The following FKBP14 variants were observed in gnomAD, a reference collection of about 807,000 sequenced individuals.
FKBP14 encodes FKBP prolyl isomerase 14.
Under a neutral mutation model 21.6 loss-of-function variants are expected in FKBP14, and 20 were observed. The observed-to-expected ratio is 0.92, with a 90% confidence interval of 0.65 to 1.34. The LOEUF (loss-of-function observed/expected upper bound fraction) is 1.34. Among genes scored for constraint, FKBP14 ranks in the 40% most tolerant of loss-of-function variants. The probability of loss-of-function intolerance (pLI) is 0.00; values close to 1 mark genes in which losing one functional copy is unlikely to be tolerated. For missense variants in FKBP14, 253 were observed against 249.0 expected, an observed-to-expected ratio of 1.02 and a Z score of -0.11; for synonymous variants, 79 against 86.7, an observed-to-expected ratio of 0.91 and a Z score of 0.49.
At position 30,022,832 on chromosome 7, in the gene FKBP14, A is replaced by T. The variant is rs1345590310; in HGVS notation, c.198-16T>A. The T allele has an allele frequency of 3.7e-6, 6 of 1,601,276 alleles. No individual in the cohort carries two copies. Among genetic ancestry groups the T allele is most frequent in the Non-Finnish European group, 5.1e-6 (6 of 1,176,324 alleles). On this transcript the variant is annotated splice_polypyrimidine_tract_variant and intron_variant, in intron 1 of 3. Coordinates refer to ENST00000222803, the MANE Select transcript of FKBP14 (RefSeq NM_017946.4). ...ATGTTTGTGACTATGATAGAAATAAAACACATTAGAACTCCTTATTAACTC... is the reference window on the plus strand; with the variant it reads ...ATGTTTGTGACTATGATAGAAATAATACACATTAGAACTCCTTATTAACTC...
chr7:30,009,235 ATT>A (rs753340209), downstream of FKBP14, among the ~76,000 whole-genome samples: 4 of 142,802 alleles, frequency 2.8e-5, no homozygotes, highest in Admixed American at 7.0e-5. Flanking sequence ...TAGTGCTATA[ATT>A]TTTTTTTTTT....
rs1562835550 is a variant in FKBP14, at chr7:30,014,199, C to T, written c.*536G>A. ...TTCTAACTTCAGCATTGCACATCTC[C>T]TTAGTAAAGCAGTAGCCATTAACAA... On this transcript the variant is annotated 3_prime_UTR_variant, in exon 4 of 4. Coordinates refer to ENST00000222803, the MANE Select transcript of FKBP14 (RefSeq NM_017946.4). 6.6e-6 allele frequency: 1 copy of T among 152,180 alleles called. No homozygotes were observed. Among genetic ancestry groups the T allele is most frequent in the Non-Finnish European group, 1.5e-5 (1 of 68,060 alleles). The allele number at this position is 152,180 out of a possible 1,614,324, so 9.4% of individuals were successfully genotyped here.
rs770308575 is a variant in FKBP14, at chr7:30,022,693, A to C, written c.321T>G (p.Pro107=). The C allele has an allele frequency of 6.2e-7, 1 of 1,614,102 alleles. No individual in the cohort carries two copies. Among genetic ancestry groups the C allele is most frequent in the Non-Finnish European group, 8.5e-7 (1 of 1,179,996 alleles). The change falls in exon 2 of 4, where the codon CCT becomes CCG. Residue 107 remains proline (P), a synonymous_variant. Transcript: ENST00000222803. The part of the protein sequence containing the change: ...VGEKRKLIIP[P]ALGYGKEGKG... ...TTCCTTCTTTTCCATAGCCCAGAGC[A>C]GGAGGAATGATGAGCTTTCTCTTCT...
intron 3 of FKBP14, among the ~76,000 whole-genome samples, chr7:30,015,771 G>A (rs1445641958): frequency 7.3e-5 from 11 of 149,680 alleles, no homozygotes; most frequent in Non-Finnish European, 1.2e-4. Context: ...GACTACAGGC[G>A]CCCGCCACCA....
chr7:30,026,595 G>A lies in FKBP14; in HGVS notation c.-87C>T, dbSNP rs777093324. ...TTTAAGAACGTAGTTCAAGGCTTACGGACAAGGGCTTCAGACAAGTTCAGG... is the reference window on the plus strand; with the variant it reads ...TTTAAGAACGTAGTTCAAGGCTTACAGACAAGGGCTTCAGACAAGTTCAGG... On this transcript the variant is annotated 5_prime_UTR_variant, in exon 1 of 4. Transcript: ENST00000222803. 1.0e-5 allele frequency: 13 copies of A among 1,273,648 alleles called. No individual in the cohort carries two copies. The highest frequency in any genetic ancestry group is 1.5e-5 in the African/African-American group (1 of 66,770). The allele number at this position is 1,273,648 out of a possible 1,614,324, so 78.9% of individuals were successfully genotyped here. A position where few individuals can be genotyped will look rare whatever the true frequency, so the allele number is the denominator to read the frequency against.
At position 30,026,485 on chromosome 7, in the gene FKBP14, C is replaced by A. The variant is rs1790180552; in HGVS notation, c.24G>T (p.Ala8=). The stretch of plus-strand genomic sequence containing the variant: ...AAGAAGTGACGAACAGAGTCAAGAC[C>A]GCGTTCCACAAGAAAAGCCTCATGT... The part of the protein sequence containing the change: MRLFLWN[A]VLTLFVTSLI... Residue 8 remains alanine (A), a synonymous_variant, in exon 1 of 4, where the codon GCG becomes GCT. Coordinates refer to ENST00000222803, the MANE Select transcript of FKBP14 (RefSeq NM_017946.4). 1 of 1,612,114 alleles carries A rather than the reference C, an allele frequency of 6.2e-7. No homozygotes were observed. Among genetic ancestry groups the A allele is most frequent in the Non-Finnish European group, 8.5e-7 (1 of 1,179,268 alleles).
At chr7:30,006,436 A>AT (rs1253476534), downstream of FKBP14, among the ~76,000 whole-genome samples, 653 of 144,552 alleles carry the variant, frequency 4.5e-3, 2 homozygotes, top group African/African-American at 0.014. Flanking sequence ...TAGAAGAGTC[A>AT]TTTTTTTTTT....
At chr7:30,024,756 G>A (rs1790128773) in intron 1 of FKBP14, among the ~76,000 whole-genome samples, 1 of 152,200 alleles carries the variant, frequency 6.6e-6, no homozygotes, top group Non-Finnish European at 1.5e-5. Flanking sequence ...TTACATGGAG[G>A]CTGCATGATA....
At chr7:30,009,913 C>T (rs566043765), downstream of FKBP14, among the ~76,000 whole-genome samples, 389 of 151,868 alleles carry the variant, frequency 2.6e-3, 1 homozygote, top group African/African-American at 9.2e-3. Flanking sequence ...GCAGGAGAAT[C>T]GCTTGAACCT....
At position 30,014,786 on chromosome 7, in the gene FKBP14, T is replaced by A; in HGVS notation, c.585A>T (p.Lys195Asn). The A allele has an allele frequency of 6.2e-7, 1 of 1,611,714 alleles. No homozygotes were observed. The highest frequency in any genetic ancestry group is 8.5e-7 in the Non-Finnish European group (1 of 1,179,286). Reference sequence around the variant, plus strand: ...ATTCTCTGGCAGATATAAACCCATCTTTGTCTTCATCTTCTTTATCAAAAA... The same window carrying A: ...ATTCTCTGGCAGATATAAACCCATCATTGTCTTCATCTTCTTTATCAAAAA... ...EDIFDKEDED[K>N]DGFISAREFT... The change falls in exon 4 of 4, where the codon AAA becomes AAT. Residue 195 changes from lysine to asparagine, a missense_variant. By Grantham distance (94) the Lys-to-Asn change is moderately conservative. Coordinates refer to ENST00000222803, the MANE Select transcript of FKBP14 (RefSeq NM_017946.4).
In FKBP14 at chr7:30,012,258, A is replaced by G. The variant is rs1335309482; in HGVS notation, c.*2477T>C. The G allele has an allele frequency of 1.3e-5, 2 of 152,250 alleles. No homozygotes were observed. Among genetic ancestry groups the G allele is most frequent in the Non-Finnish European group, 2.9e-5 (2 of 68,034 alleles). 9.4% of individuals were successfully genotyped at this position (152,250 alleles called of 1,614,324 possible). A position where few individuals can be genotyped will look rare whatever the true frequency, so the allele number is the denominator to read the frequency against. On this transcript the variant is annotated 3_prime_UTR_variant, in exon 4 of 4. Coordinates refer to ENST00000222803, the MANE Select transcript of FKBP14 (RefSeq NM_017946.4). Reference sequence around the variant, plus strand: ...AACTTAAAAACCATAACTTGTGCATATGTTTTCATTTTATACTTGTGTCCA... The same window carrying G: ...AACTTAAAAACCATAACTTGTGCATGTGTTTTCATTTTATACTTGTGTCCA...
Position 30,022,548 on chromosome 7 carries a change from C to T in FKBP14, c.349+117G>A, listed in dbSNP as rs1024406368. ...ACATAATACAGTTGCTAAAGGAATA[C>T]ATACCCCCTATTAACTTCCAGGGGA... On this transcript the variant is annotated intron_variant, in intron 2 of 3. Coordinates refer to ENST00000222803, the MANE Select transcript of FKBP14 (RefSeq NM_017946.4). 5.0e-6 allele frequency: 5 copies of T among 998,854 alleles called. No individual in the cohort carries two copies. The Admixed American group carries it at 8.7e-5, about 17-fold the overall frequency. 61.9% of individuals were successfully genotyped at this position (998,854 alleles called of 1,614,324 possible). A position where few individuals can be genotyped will look rare whatever the true frequency, so the allele number is the denominator to read the frequency against.
downstream of FKBP14, among the ~76,000 whole-genome samples, chr7:30,007,668 A>C (rs922667834): frequency 2.0e-5 from 3 of 152,354 alleles, no homozygotes; most frequent in East Asian, 5.8e-4. Context: ...GACTGTATTT[A>C]CAAGGGCAGG....
chr7:30,010,426 T>A (rs555428172), downstream of FKBP14, among the ~76,000 whole-genome samples: 41 of 152,322 alleles, frequency 2.7e-4, no homozygotes, highest in South Asian at 7.7e-3. Context: ...CAAATATACC[T>A]ATACAGAGCA....
chr7:30,024,130 GA>G (rs1199059075), intron 1 of FKBP14, among the ~76,000 whole-genome samples: 1 of 151,854 alleles, frequency 6.6e-6, no homozygotes, highest in Non-Finnish European at 1.5e-5. Flanking sequence ...TTGTAGGTGA[GA>G]AAAAGAAGTC....
chr7:30,015,626 CT>C lies in FKBP14; in HGVS notation c.478-734del, dbSNP rs1265376198. On this transcript the variant is annotated intron_variant, in intron 3 of 3. Transcript: ENST00000222803. ...TTTCTTTTCTTTTTTTAGACAGAAT[CT>C]TTTTTTTTTTTTTTTTGAGACGGAG... is the stretch of plus-strand genomic sequence containing the variant. Among the ~76,000 whole-genome samples the C allele has an allele frequency of 2.3e-3, 303 of 131,646 alleles. 1 individual carries two copies. In the South Asian group the frequency reaches 0.03, roughly 13 times the overall value. 86.4% of individuals were successfully genotyped at this position (131,646 alleles called of 152,430 possible). A position where few individuals can be genotyped will look rare whatever the true frequency, so the allele number is the denominator to read the frequency against.
At chr7:30,007,803 C>T (rs1789642960), downstream of FKBP14, among the ~76,000 whole-genome samples, 1 of 152,102 alleles carries the variant, frequency 6.6e-6, no homozygotes, top group Non-Finnish European at 1.5e-5. Flanking sequence ...AATCCCAGGA[C>T]TTTGGGAGGC....
At chr7:30,017,084 C>T (rs567881380) in intron 3 of FKBP14, among the ~76,000 whole-genome samples, 107 of 150,622 alleles carry the variant, frequency 7.1e-4, no homozygotes, top group African/African-American at 2.5e-3. Context: ...TTTGGATTTG[C>T]AGAAAGAAAC....
intron 2 of FKBP14, among the ~76,000 whole-genome samples, chr7:30,021,385 C>G (rs879567822): frequency 5.9e-5 from 9 of 152,064 alleles, no homozygotes; most frequent in African/African-American, 1.9e-4. Context: ...ATAACTGGGC[C>G]ATATTTTATT....
Sources: allele counts gnomAD v4.1 joint callset (sites outside exome capture counted in the v4.1 genomes callset), GRCh38; gene constraint gnomAD v4.1.1; transcripts MANE v1.5; gene names NCBI Gene and HGNC (gene_info 2026-07-23, HGNC 2026-07-21).